Variants in SPTB observed in about 807,000 individuals in gnomAD.
The protein encoded by SPTB is spectrin beta, erythrocytic.
A neutral mutation model predicts 256.2 loss-of-function variants in SPTB; 45 were observed. That is an observed-to-expected ratio of 0.18 (90% CI 0.14 to 0.23). The LOEUF (loss-of-function observed/expected upper bound fraction) is 0.23, where lower values mean the gene tolerates loss of function less well. Among genes scored for constraint, SPTB ranks in the 10% least tolerant of loss-of-function variants. The probability of loss-of-function intolerance (pLI) is 1.00; values close to 1 mark genes in which losing one functional copy is unlikely to be tolerated. For synonymous variants in SPTB, 1,231 were observed against 1,243.1 expected (o/e 0.99, Z 0.21); for missense variants, 2,715 against 3,040.4 (o/e 0.89, Z 2.52).
At chr14:64,804,912 C>T in intron 3 of SPTB, 27 bp downstream of exon 3, 3 of 1,613,380 alleles carry the variant, frequency 1.9e-6, no homozygotes, top group Non-Finnish European at 2.5e-6. Context: ...ATGGCAGCAG[C>T]CCCGGGGCCC....
intron 1 of SPTB, among the ~76,000 whole-genome samples, chr14:64,875,673 T>A (rs1037965169): frequency 1.3e-5 from 2 of 152,226 alleles, no homozygotes; most frequent in African/African-American, 4.8e-5. Flanking sequence ...TAACCTACGA[T>A]CTGTCTGTTA....
chr14:64,801,621 T>A, intron 6 of SPTB, 133 bp downstream of exon 6: 1 of 1,004,922 alleles, frequency 1.0e-6, no homozygotes, highest in Non-Finnish European at 1.6e-6. Context: ...GAAGGTGCTA[T>A]GGGCTGCTGA....
intron 33 of SPTB, 68 bp downstream of exon 33, chr14:64,753,469 T>G: frequency 6.2e-7 from 1 of 1,608,648 alleles, no homozygotes; most frequent in Non-Finnish European, 8.5e-7. Flanking sequence ...TCACCAAGGC[T>G]CTGCTAGCAG....
rs948685851 is a variant in SPTB, at chr14:64,841,318, C to T, written c.-51-18173G>A. Among the ~76,000 whole-genome samples, 4 of 152,154 alleles carry T rather than the reference C, an allele frequency of 2.6e-5. No homozygotes were observed. The highest frequency in any genetic ancestry group is 4.4e-5 in the Non-Finnish European group (3 of 68,020). ...TGCCCTTACCTCCTGTGATCACTGC[C>T]CTGTCAACCCAGCCAGACCCAAGCC... On this transcript the variant is annotated intron_variant, in intron 1 of 35. Transcript: ENST00000644917. The surrounding 1 kb of genome is among the most constrained non-coding windows in gnomAD (Gnocchi z 4.6).
rs61989863 is a variant in SPTB, at chr14:64,769,456, C to T, written c.5937+134G>A. 2,995 of 1,269,762 alleles carry T rather than the reference C, an allele frequency of 2.4e-3. 6 individuals are homozygous for T. The highest frequency in any genetic ancestry group is 2.9e-3 in the Non-Finnish European group (2,667 of 908,420). The allele number at this position is 1,269,762 out of a possible 1,614,324, so 78.7% of individuals were successfully genotyped here. On this transcript the variant is annotated intron_variant, in intron 28 of 35. Coordinates refer to ENST00000644917, the MANE Select transcript of SPTB (RefSeq NM_001355436.2). ...CAATCCCCGGGCCTGTGTGTAGCCC[C>T]GATCTCCATGAGTGAGAGCAAGACA...
At chr14:64,798,711 T>C (rs2082822831) in intron 9 of SPTB, among the ~76,000 whole-genome samples, 1 of 152,200 alleles carries the variant, frequency 6.6e-6, no homozygotes, top group Admixed American at 6.5e-5. Context: ...GCTAACTGTA[T>C]TGGATTTAGG....
At chr14:64,751,339 C>G (rs2081947669) in intron 33 of SPTB, among the ~76,000 whole-genome samples, 1 of 151,916 alleles carries the variant, frequency 6.6e-6, no homozygotes, top group Non-Finnish European at 1.5e-5. Flanking sequence ...AGGCTGGTCT[C>G]AAACTCCTGA....
Position 64,823,235 on chromosome 14 carries a change from T to G in SPTB, c.-51-90A>C. On this transcript the variant is annotated intron_variant, in intron 1 of 35. Transcript: ENST00000644917. The surrounding 1 kb of genome is among the most constrained non-coding windows in gnomAD (Gnocchi z 6.5). ...ACTTATTCGGAGCATCCAACGTGAG[T>G]AGATCCTGACAGAAGCAGAACGCCA... 1 of 985,376 alleles carries G rather than the reference T, an allele frequency of 1.0e-6. No homozygotes were observed. The highest frequency in any genetic ancestry group is 1.6e-6 in the Non-Finnish European group (1 of 637,354). The allele number at this position is 985,376 out of a possible 1,614,324, so 61.0% of individuals were successfully genotyped here. A position where few individuals can be genotyped will look rare whatever the true frequency, so the allele number is the denominator to read the frequency against.
At chr14:64,800,066 G>T in intron 8 of SPTB, 132 bp from the exon 9 acceptor site, 1 of 1,158,816 alleles carries the variant, frequency 8.6e-7, no homozygotes, top group Non-Finnish European at 1.3e-6. Context: ...TCTAGGCTGG[G>T]TTTGTTCCCT....
chr14:64,811,538 G>A (rs1009638255), intron 2 of SPTB, among the ~76,000 whole-genome samples: 1 of 152,114 alleles, frequency 6.6e-6, no homozygotes, highest in African/African-American at 2.4e-5. Flanking sequence ...ATGGTTAGGT[G>A]GAAAATGTTC....
In SPTB at chr14:64,816,126, T is replaced by G. The variant is rs1373224832; in HGVS notation, c.148+6821A>C. Among the ~76,000 whole-genome samples the G allele has an allele frequency of 2.0e-5, 3 of 152,198 alleles. No homozygotes were observed. The highest frequency in any genetic ancestry group is 7.2e-5 in the African/African-American group (3 of 41,450). Reference sequence around the variant, plus strand: ...AAATCTAACCGTGTCATTTCCCTGCTGAAAGTACTTTGATGGGCTGGCAGC... The same window carrying G: ...AAATCTAACCGTGTCATTTCCCTGCGGAAAGTACTTTGATGGGCTGGCAGC... On this transcript the variant is annotated intron_variant, in intron 2 of 35. Coordinates refer to ENST00000644917, the MANE Select transcript of SPTB (RefSeq NM_001355436.2). The surrounding 1 kb of genome is among the most constrained non-coding windows in gnomAD (Gnocchi z 4.2).
chr14:64,752,267 TTCA>T (rs1479239237), intron 33 of SPTB: 1 of 1,343,270 alleles, frequency 7.4e-7, no homozygotes, highest in Non-Finnish European at 9.8e-7. Flanking sequence ...CCTCCTCCTC[TTCA>T]TCCTCCTCTT....
In SPTB at chr14:64,801,789, A is replaced by G. The variant is rs369646468; in HGVS notation, c.612T>C (p.Asp204=). Residue 204 remains aspartate (D), a synonymous_variant, in exon 6 of 36, where the codon GAT becomes GAC. Coordinates refer to ENST00000644917, the MANE Select transcript of SPTB (RefSeq NM_001355436.2). ...NVTNFTSSWK[D]GLAFNALIHK... is the part of the protein sequence containing the mutation. ...GTATCAGGGCATTAAAGGCCAAGCC[A>G]TCCTTCCAGCTGGAGGTAAAGTTGG... The G allele has an allele frequency of 5.0e-6, 8 of 1,614,242 alleles. No individual in the cohort carries two copies. Among genetic ancestry groups the G allele is most frequent in the Non-Finnish European group, 6.8e-6 (8 of 1,180,034 alleles).
rs989546628 is a variant in SPTB, at chr14:64,853,776, G to A, written c.-52+26016C>T. 1.3e-5 allele frequency among the ~76,000 whole-genome samples: 2 copies of A among 152,218 alleles called. No homozygotes were observed. The highest frequency in any genetic ancestry group is 6.5e-5 in the Admixed American group (1 of 15,288). ...AGATGCAGATGTTCTGTGCAGCCCT[G>A]AAGTGTTTGGGAACATTTCTTGTGT... On this transcript the variant is annotated intron_variant, in intron 1 of 35. Transcript: ENST00000644917. The surrounding 1 kb of genome is among the most constrained non-coding windows in gnomAD (Gnocchi z 4.3).
Position 64,785,950 on chromosome 14 carries a change from T to C in SPTB, c.3563A>G (p.Glu1188Gly). 6.2e-7 allele frequency: 1 copy of C among 1,613,980 alleles called. No homozygotes were observed. Among genetic ancestry groups the C allele is most frequent in the Non-Finnish European group, 8.5e-7 (1 of 1,180,000 alleles). Reference sequence around the variant, plus strand: ...GGGCTCCAAGTGAGCCAGAGTGTATTCCTGTTGGAACAAGTTTCCAGACAA... The same window carrying C: ...GGGCTCCAAGTGAGCCAGAGTGTATCCCTGTTGGAACAAGTTTCCAGACAA... ...KQAEAILSNQ[E>G]YTLAHLEPPD... is the part of the protein sequence containing the mutation. Residue 1188 changes from glutamate (E) to glycine (G), a missense_variant and splice_region_variant, in exon 17 of 36, where the codon GAA becomes GGA. By Grantham distance (98) the Glu-to-Gly change is moderately conservative. Coordinates refer to ENST00000644917, the MANE Select transcript of SPTB (RefSeq NM_001355436.2). This position sits in a 1 kb window ranked among gnomAD's most constrained non-coding sequence, Gnocchi z 4.4.
At chr14:64,849,817 C>T (rs528410236) in intron 1 of SPTB, among the ~76,000 whole-genome samples, 1 of 152,326 alleles carries the variant, frequency 6.6e-6, no homozygotes, top group Admixed American at 6.5e-5. Flanking sequence ...AACTTAACTA[C>T]AGCAAGGAGT....
rs980007595 is a variant in SPTB, at chr14:64,841,618, C to T, written c.-51-18473G>A. Among the ~76,000 whole-genome samples the T allele has an allele frequency of 1.3e-5, 2 of 152,036 alleles. No homozygotes were observed. The highest frequency in any genetic ancestry group is 1.3e-4 in the Admixed American group (2 of 15,266). On this transcript the variant is annotated intron_variant, in intron 1 of 35. Transcript: ENST00000644917. The surrounding 1 kb of genome is among the most constrained non-coding windows in gnomAD (Gnocchi z 4.6). ...GTGAGGATTGCCAAGCACTTTTTCC[C>T]CCAAATCGACACAGACATGGAGAAG...
chr14:64,767,361 G>A lies in SPTB; in HGVS notation c.6220-9C>T. 1 of 1,614,026 alleles carries A rather than the reference G, an allele frequency of 6.2e-7. No individual in the cohort carries two copies. The highest frequency in any genetic ancestry group is 8.5e-7 in the Non-Finnish European group (1 of 1,180,026). ...CGTTCTTTCAGCTCAAGCTAGAGGAGGAGAAGGCCCAGGGGTCAGAGCAGC... is the reference window on the plus strand; with the variant it reads ...CGTTCTTTCAGCTCAAGCTAGAGGAAGAGAAGGCCCAGGGGTCAGAGCAGC... On this transcript the variant is annotated splice_polypyrimidine_tract_variant and intron_variant, in intron 30 of 35. Transcript: ENST00000644917.
At chr14:64,791,505 G>A (rs944120719) in intron 15 of SPTB, among the ~76,000 whole-genome samples, 1 of 145,364 alleles carries the variant, frequency 6.9e-6, no homozygotes, top group Non-Finnish European at 1.5e-5. Context: ...GGTGGAAGTT[G>A]CAGTGAGCCG....
Sources: gnomAD v4.1 joint callset for allele counts (sites outside exome capture counted in the v4.1 genomes callset) on GRCh38, gnomAD v4.1.1 for gene constraint, Gnocchi (gnomAD v3.1) non-coding constraint, MANE v1.5 for transcripts, NCBI Gene and HGNC (gene_info 2026-07-23, HGNC 2026-07-21) for gene names.